The following USO1 variants were observed in gnomAD, a reference collection of about 807,000 sequenced individuals.
The protein encoded by USO1 is general vesicular transport factor p115.
Under a neutral mutation model 124.5 loss-of-function variants are expected in USO1, and 57 were observed. The observed-to-expected ratio is 0.46, with a 90% confidence interval of 0.37 to 0.57. The LOEUF is 0.57. USO1 is among the 20% of genes least tolerant of loss of function. The pLI, the probability that USO1 is intolerant of heterozygous loss-of-function variation, is 0.00. For missense variants in USO1, 900 were observed against 1,040.6 expected (o/e 0.86, Z 1.86); for synonymous variants, 369 against 362.8 (o/e 1.02, Z -0.19).
chr4:75,746,878 C>T (rs1577933053), intron 1 of USO1, among the ~76,000 whole-genome samples: 1 of 151,904 alleles, frequency 6.6e-6, no homozygotes, highest in African/African-American at 2.4e-5. Flanking sequence ...TTGAATGGTC[C>T]ATTAAAGGTA....
At chr4:75,753,724 A>G (rs1721351795) in intron 3 of USO1, among the ~76,000 whole-genome samples, 1 of 152,004 alleles carries the variant, frequency 6.6e-6, no homozygotes, top group Non-Finnish European at 1.5e-5. Context: ...TCTTGACAAA[A>G]TAAATATAAA....
intron 2 of USO1, 31 bp from the exon 3 acceptor site, chr4:75,752,509 C>A (rs935445460): frequency 4.8e-5 from 19 of 398,250 alleles, no homozygotes; most frequent in African/African-American, 3.7e-4. Flanking sequence ...ATATTAGTTA[C>A]TTTAGTAACA....
At position 75,782,595 on chromosome 4, in the gene USO1, G is replaced by A. The variant is rs978319852; in HGVS notation, c.677-85G>A. The stretch of plus-strand genomic sequence containing the variant: ...GCCATATTGAAGAGATGCTGAGCAT[G>A]GAGATTTATCTTTTTAAAAATGTTT... On this transcript the variant is annotated intron_variant, in intron 8 of 23. Coordinates refer to ENST00000514213, the MANE Select transcript of USO1 (RefSeq NM_003715.4). 18 of 1,456,000 alleles carry A rather than the reference G, an allele frequency of 1.2e-5. No homozygotes were observed. In the African/African-American group the frequency reaches 2.3e-4, roughly 19 times the overall value. The allele number at this position is 1,456,000 out of a possible 1,614,324, so 90.2% of individuals were successfully genotyped here. A position where few individuals can be genotyped will look rare whatever the true frequency, so the allele number is the denominator to read the frequency against.
At chr4:75,799,306 A>G (rs529801479) in intron 13 of USO1, among the ~76,000 whole-genome samples, 54 of 152,120 alleles carry the variant, frequency 3.5e-4, no homozygotes, top group Non-Finnish European at 2.2e-4. Flanking sequence ...GGATTAATAG[A>G]TTATTTTAAA....
At chr4:75,768,545 T>C (rs1261384702) in intron 4 of USO1, among the ~76,000 whole-genome samples, 3 of 152,250 alleles carry the variant, frequency 2.0e-5, no homozygotes, top group East Asian at 1.9e-4. Flanking sequence ...GTAGATTCCA[T>C]AGGATTTTCC....
chr4:75,807,736 T>G (rs747682278), intron 20 of USO1, among the ~76,000 whole-genome samples: 14 of 152,186 alleles, frequency 9.2e-5, no homozygotes, highest in Non-Finnish European at 2.1e-4. Context: ...GTTACTAATA[T>G]ATAGCCTTAG....
chr4:75,807,024 C>A (rs1257369127), intron 20 of USO1, among the ~76,000 whole-genome samples: 1 of 151,942 alleles, frequency 6.6e-6, no homozygotes, highest in African/African-American at 2.4e-5. Flanking sequence ...TTAAATGACT[C>A]CAGCTAAAAA....
chr4:75,724,971 A>ATGGT, intron 1 of USO1, 86 bp downstream of exon 1: 5 of 1,473,276 alleles, frequency 3.4e-6, no homozygotes, highest in South Asian at 1.2e-5. Context: ...GGTCACCTCC[A>ATGGT]GCGTCCCACC....
In USO1 at chr4:75,790,731, T is replaced by G; in HGVS notation, c.1174T>G (p.Phe392Val). ...TGCTGTTCTCTATTGTTTCCAGTGT[T>G]TCTTGTATAAAAACCAAAAAGGACA... is the stretch of plus-strand genomic sequence containing the variant. ...RCAVLYCFQC[F>V]LYKNQKGQGE... The change falls in exon 12 of 24, where the codon TTC (phenylalanine) becomes GTC (valine). Residue 392 changes from phenylalanine (F) to valine (V), a missense_variant. Coordinates refer to ENST00000514213, the MANE Select transcript of USO1 (RefSeq NM_003715.4). 6.2e-7 allele frequency: 1 copy of G among 1,613,684 alleles called. No homozygotes were observed. The highest frequency in any genetic ancestry group is 8.5e-7 in the Non-Finnish European group (1 of 1,179,724).
chr4:75,795,342 A>G, intron 13 of USO1: 1 of 702,454 alleles, frequency 1.4e-6, no homozygotes, highest in East Asian at 2.7e-5. Context: ...GCAGGGTGAT[A>G]AGATCGACAG....
rs190834549 is a variant in USO1, at chr4:75,762,922, C to T, written c.295+5349C>T. On this transcript the variant is annotated intron_variant, in intron 4 of 23. Transcript: ENST00000514213. ...CAGACTGGGCGACAGTGCGAGACTC[C>T]GTCTCAAAACAAAAACAACAAAAAA... is the stretch of plus-strand genomic sequence containing the variant. 7.9e-4 allele frequency among the ~76,000 whole-genome samples: 120 copies of T among 152,176 alleles called. 1 individual carries two copies. The highest frequency in any genetic ancestry group is 7.2e-3 in the Admixed American group (110 of 15,290).
chr4:75,757,554 TGAAGAA>T lies in USO1; in HGVS notation c.287_292del (p.Glu96_Glu97del), dbSNP rs746029369. On this transcript the variant is annotated inframe_deletion, in exon 4 of 24. Transcript: ENST00000514213. ...ACACACTATATAATATAATATCTAA[TGAAGAA>T]GAAGAAGAAGTAGGTAAGTTTCCAG... is the stretch of plus-strand genomic sequence containing the variant. The T allele has an allele frequency of 6.0e-6, 9 of 1,492,408 alleles. No individual in the cohort carries two copies. In the East Asian group the frequency reaches 7.7e-5, roughly 13 times the overall value. 92.4% of individuals were successfully genotyped at this position (1,492,408 alleles called of 1,614,324 possible). A position where few individuals can be genotyped will look rare whatever the true frequency, so the allele number is the denominator to read the frequency against.
At position 75,790,136 on chromosome 4, in the gene USO1, C is replaced by A; in HGVS notation, c.997-14C>A. On this transcript the variant is annotated splice_polypyrimidine_tract_variant and intron_variant, in intron 10 of 23. Coordinates refer to ENST00000514213, the MANE Select transcript of USO1 (RefSeq NM_003715.4). ...ATTTCTCTAAATGTTCTTTTTCTTT[C>A]TTCCCCTTAACAGACCATAAATACT... 2.0e-6 allele frequency: 3 copies of A among 1,511,764 alleles called. No individual in the cohort carries two copies. Among genetic ancestry groups the A allele is most frequent in the South Asian group, 2.8e-5 (2 of 70,246 alleles). 93.6% of individuals were successfully genotyped at this position (1,511,764 alleles called of 1,614,324 possible).
intron 9 of USO1, among the ~76,000 whole-genome samples, chr4:75,786,644 G>A (rs530154536): frequency 6.6e-6 from 1 of 152,176 alleles, no homozygotes; most frequent in Non-Finnish European, 1.5e-5. Flanking sequence ...AATATTTCCA[G>A]TTTAGGGGAG....
intron 1 of USO1, among the ~76,000 whole-genome samples, chr4:75,726,196 G>T (rs552072137): frequency 2.0e-5 from 3 of 150,148 alleles, no homozygotes; most frequent in African/African-American, 7.4e-5. Flanking sequence ...CAGGAGAATC[G>T]CTTGAACTCG....
At chr4:75,762,125 C>T (rs1437069113) in intron 4 of USO1, among the ~76,000 whole-genome samples, 4 of 145,164 alleles carry the variant, frequency 2.8e-5, no homozygotes, top group Non-Finnish European at 6.0e-5. Flanking sequence ...GATGATGTAA[C>T]TTATATGGTA....
chr4:75,728,867 TG>T (rs1720542567), intron 1 of USO1, among the ~76,000 whole-genome samples: 1 of 151,178 alleles, frequency 6.6e-6, no homozygotes, highest in Non-Finnish European at 1.5e-5. Context: ...GGCGCAATCT[TG>T]GCTCACTGCA....
chr4:75,799,662 T>C lies in USO1; in HGVS notation c.1493T>C (p.Leu498Pro). ...ACAAGAGTTGGATTATTAATGTTGC[T>C]TTGTACCTGGCTAAGCAATTGTCCC... The part of the protein sequence containing the change: ...IQTRVGLLML[L>P]CTWLSNCPIA... The change falls in exon 14 of 24, where the codon CTT becomes CCT. Residue 498 changes from leucine (L) to proline (P), a missense_variant. Physicochemically the swap from Leu to Pro is moderately conservative, Grantham distance 98. Transcript: ENST00000514213. 6.2e-7 allele frequency: 1 copy of C among 1,613,820 alleles called. No homozygotes were observed. The highest frequency in any genetic ancestry group is 8.5e-7 in the Non-Finnish European group (1 of 1,179,790).
chr4:75,762,656 C>T (rs577673305), intron 4 of USO1, among the ~76,000 whole-genome samples: 54 of 152,122 alleles, frequency 3.5e-4, no homozygotes, highest in Non-Finnish European at 5.4e-4. Flanking sequence ...TGGCCAGGTA[C>T]GGTGGCTCAC....
Sources: allele counts gnomAD v4.1 joint callset (sites outside exome capture counted in the v4.1 genomes callset), GRCh38; gene constraint gnomAD v4.1.1; transcripts MANE v1.5; gene names NCBI Gene and HGNC (gene_info 2026-07-23, HGNC 2026-07-21).